Variants in CTNND2 observed in about 807,000 individuals in gnomAD.
CTNND2 encodes the protein catenin delta-2.
In CTNND2, 22 loss-of-function variants were observed where a neutral mutation model predicts 144.4. That is an observed-to-expected ratio of 0.15 (90% CI 0.11 to 0.22). CTNND2 has a LOEUF of 0.22. Among genes scored for constraint, CTNND2 ranks in the 10% least tolerant of loss-of-function variants. The probability of loss-of-function intolerance (pLI) is 1.00; values close to 1 mark genes in which losing one functional copy is unlikely to be tolerated. For synonymous variants in CTNND2, 751 were observed against 695.6 expected, an observed-to-expected ratio of 1.08 and a Z score of -1.25; for missense variants, 1,353 against 1,618.8, an observed-to-expected ratio of 0.84 and a Z score of 2.82.
rs1736064672 is a variant in CTNND2, at chr5:10,973,598, T to C, written c.3533A>G (p.His1178Arg). The change falls in exon 22 of 22, where the codon CAT becomes CGT. Residue 1178 changes from histidine to arginine, a missense_variant. By Grantham distance (29) the His-to-Arg change is conservative. Coordinates refer to ENST00000304623, the MANE Select transcript of CTNND2 (RefSeq NM_001332.4). This position sits in a 1 kb window ranked among gnomAD's most constrained non-coding sequence, Gnocchi z 5.6. ...GGTGTACTCGCTGGCGGGAGGGCGA[T>C]GGTGGACCTGGTCCTCGAAGAAGGA... ...DESFFEDQVHHRPPASEYTMH... is the reference protein window; with the variant it reads ...DESFFEDQVHRRPPASEYTMH... 1 of 1,614,214 alleles carries C rather than the reference T, an allele frequency of 6.2e-7. No individual in the cohort carries two copies. Among genetic ancestry groups the C allele is most frequent in the Non-Finnish European group, 8.5e-7 (1 of 1,180,034 alleles).
chr5:11,480,985 G>A (rs1196909871), intron 3 of CTNND2, among the ~76,000 whole-genome samples: 3 of 152,120 alleles, frequency 2.0e-5, no homozygotes, highest in Non-Finnish European at 4.4e-5. Flanking sequence ...CGAAGCACAT[G>A]ACGATATTTT....
At chr5:11,126,091 C>T (rs370301265) in intron 12 of CTNND2, among the ~76,000 whole-genome samples, 26 of 152,256 alleles carry the variant, frequency 1.7e-4, no homozygotes, top group Non-Finnish European at 2.4e-4. Context: ...CACCTGAGGT[C>T]GGGAGTTCGA....
intron 1 of CTNND2, among the ~76,000 whole-genome samples, chr5:11,855,121 A>G (rs2127012487): frequency 6.6e-6 from 1 of 152,346 alleles, no homozygotes; most frequent in Non-Finnish European, 1.5e-5. Flanking sequence ...AAAACCTGTA[A>G]TGCCGGAGGG....
chr5:11,637,231 G>A (rs986989884), intron 2 of CTNND2, among the ~76,000 whole-genome samples: 5 of 152,268 alleles, frequency 3.3e-5, no homozygotes, highest in Admixed American at 1.3e-4. Context: ...TAGAGGGAAT[G>A]TGTATCTCCA....
chr5:11,641,181 G>T (rs1781979882), intron 2 of CTNND2, among the ~76,000 whole-genome samples: 1 of 151,910 alleles, frequency 6.6e-6, no homozygotes, highest in African/African-American at 2.4e-5. Context: ...AAATAACTTT[G>T]TTCATTTAAC....
intron 3 of CTNND2, among the ~76,000 whole-genome samples, chr5:11,481,447 C>CA (rs1319601929): frequency 6.6e-6 from 1 of 152,016 alleles, no homozygotes; most frequent in Non-Finnish European, 1.5e-5. Context: ...TCTGTCTCTA[C>CA]AAAAAATTAG....
chr5:11,394,138 T>C (rs1356683856), intron 6 of CTNND2, among the ~76,000 whole-genome samples: 2 of 152,218 alleles, frequency 1.3e-5, no homozygotes, highest in Non-Finnish European at 2.9e-5. Context: ...TGGATCTTGC[T>C]TACCCTGGTC....
chr5:11,739,483 C>T (rs1787875759), intron 1 of CTNND2, among the ~76,000 whole-genome samples: 2 of 152,164 alleles, frequency 1.3e-5, no homozygotes, highest in African/African-American at 4.8e-5. Context: ...CTCTTATGTG[C>T]TGCTGACATC....
chr5:11,203,885 A>G (rs1435203660), intron 10 of CTNND2, among the ~76,000 whole-genome samples: 1 of 152,218 alleles, frequency 6.6e-6, no homozygotes, highest in Non-Finnish European at 1.5e-5. Context: ...AGACTGAACA[A>G]TTCTCATATC....
intron 2 of CTNND2, among the ~76,000 whole-genome samples, chr5:11,714,540 G>C (rs975194190): frequency 6.6e-6 from 1 of 152,116 alleles, no homozygotes; most frequent in Admixed American, 6.5e-5. Context: ...CCCAGAATAG[G>C]TTGTAAGATC....
At chr5:11,634,060 G>A (rs893462997) in intron 2 of CTNND2, among the ~76,000 whole-genome samples, 2 of 152,056 alleles carry the variant, frequency 1.3e-5, no homozygotes, top group Non-Finnish European at 2.9e-5. Context: ...CCCATGAGTT[G>A]GCACTGCCCA....
chr5:11,219,679 G>C (rs1739580671), intron 10 of CTNND2, among the ~76,000 whole-genome samples: 2 of 152,198 alleles, frequency 1.3e-5, no homozygotes, highest in African/African-American at 4.8e-5. Context: ...GTTAGAGTCA[G>C]AGGTCAGAAT....
intron 2 of CTNND2, among the ~76,000 whole-genome samples, chr5:11,621,629 T>C (rs959554829): frequency 1.3e-5 from 2 of 152,220 alleles, no homozygotes; most frequent in Non-Finnish European, 2.9e-5. Context: ...GTTTATTTTA[T>C]TTAGATGTTT....
intron 10 of CTNND2, among the ~76,000 whole-genome samples, chr5:11,226,470 A>G (rs1740372431): frequency 6.6e-6 from 1 of 152,214 alleles, no homozygotes; most frequent in Non-Finnish European, 1.5e-5. Flanking sequence ...GAGACTAGAT[A>G]ATTTATAAAG....
At chr5:11,663,460 G>GA (rs1256301966) in intron 2 of CTNND2, among the ~76,000 whole-genome samples, 1 of 152,042 alleles carries the variant, frequency 6.6e-6, no homozygotes, top group African/African-American at 2.4e-5. Flanking sequence ...ATTCCTGGAA[G>GA]AAAAAGATGT....
At chr5:11,851,570 T>A (rs1795015551) in intron 1 of CTNND2, among the ~76,000 whole-genome samples, 1 of 152,184 alleles carries the variant, frequency 6.6e-6, no homozygotes, top group African/African-American at 2.4e-5. Flanking sequence ...ACAGGGCCTG[T>A]TTGGAAATCC....
At chr5:11,744,729 ATTTC>A (rs1788217196) in intron 1 of CTNND2, among the ~76,000 whole-genome samples, 1 of 149,850 alleles carries the variant, frequency 6.7e-6, no homozygotes, top group Non-Finnish European at 1.5e-5. Flanking sequence ...GTGTGTGTGT[ATTTC>A]TATTTTATTA....
intron 3 of CTNND2, among the ~76,000 whole-genome samples, chr5:11,473,265 A>G (rs1767397627): frequency 6.6e-6 from 1 of 152,238 alleles, no homozygotes; most frequent in Admixed American, 6.5e-5. Context: ...AAGAAGGCCA[A>G]CTGGGAGTGG....
At chr5:11,306,711 G>C (rs1347445529) in intron 9 of CTNND2, among the ~76,000 whole-genome samples, 1 of 152,186 alleles carries the variant, frequency 6.6e-6, no homozygotes, top group Admixed American at 6.5e-5. Context: ...ATATGCATAG[G>C]AATGTCTGAT....
Sources: gnomAD v4.1 joint callset for allele counts (sites outside exome capture counted in the v4.1 genomes callset) on GRCh38, gnomAD v4.1.1 for gene constraint, Gnocchi (gnomAD v3.1) non-coding constraint, MANE v1.5 for transcripts, NCBI Gene and HGNC (gene_info 2026-07-23, HGNC 2026-07-21) for gene names.